Variants in ESRP1 observed in about 807,000 individuals in gnomAD.
ESRP1 encodes the protein epithelial splicing regulatory protein 1.
In ESRP1, 33 loss-of-function variants were observed where a neutral mutation model predicts 81.7. The observed-to-expected ratio is 0.40, with a 90% CI of 0.31 to 0.54. The LOEUF (loss-of-function observed/expected upper bound fraction) is 0.54. ESRP1 is among the 20% of genes least tolerant of loss of function. The pLI is 0.41. For missense variants in ESRP1, 672 were observed against 833.1 expected, an observed-to-expected ratio of 0.81 and a Z score of 2.38; for synonymous variants, 320 against 303.3, an observed-to-expected ratio of 1.06 and a Z score of -0.57.
intron 13 of ESRP1, among the ~76,000 whole-genome samples, chr8:94,691,197 C>T (rs1352536881): frequency 6.6e-6 from 1 of 152,074 alleles, no homozygotes; most frequent in Non-Finnish European, 1.5e-5. Context: ...ATATCAATGT[C>T]TGGGTTTGGC....
Position 94,657,826 on chromosome 8 carries a change from C to A in ESRP1, c.491-4446C>A, listed in dbSNP as rs1818513168. On this transcript the variant is annotated intron_variant, in intron 4 of 15. Transcript: ENST00000433389. ...TTATAAAACTTCTCTCACACTATTG[C>A]TCAATAGTCAAATCATAGCTTTCGT... Among the ~76,000 whole-genome samples the A allele has an allele frequency of 2.6e-5, 4 of 152,192 alleles. No homozygotes were observed. In the South Asian group the frequency reaches 8.3e-4, roughly 31 times the overall value.
chr8:94,649,987 C>T (rs1380586974), intron 4 of ESRP1, among the ~76,000 whole-genome samples: 2 of 152,006 alleles, frequency 1.3e-5, no homozygotes, highest in Non-Finnish European at 1.5e-5. Context: ...CCTTGTTATT[C>T]TCTCCCTCTT....
intron 4 of ESRP1, among the ~76,000 whole-genome samples, chr8:94,653,341 C>G (rs1381229862): frequency 1.3e-5 from 2 of 152,144 alleles, no homozygotes; most frequent in Non-Finnish European, 2.9e-5. Flanking sequence ...AACATGAACA[C>G]TGGGGGCAAC....
At chr8:94,703,089 T>C (rs1586272507) in intron 15 of ESRP1, among the ~76,000 whole-genome samples, 1 of 149,264 alleles carries the variant, frequency 6.7e-6, no homozygotes. Flanking sequence ...GGAAACATTA[T>C]CTCCTTCTGA....
At chr8:94,701,937 G>C (rs1055581330) in intron 15 of ESRP1, among the ~76,000 whole-genome samples, 2 of 152,188 alleles carry the variant, frequency 1.3e-5, no homozygotes, top group Admixed American at 6.5e-5. Flanking sequence ...AGATAGCCAG[G>C]TGTCGTCATG....
At chr8:94,657,311 T>G (rs139757849) in intron 4 of ESRP1, among the ~76,000 whole-genome samples, 278 of 152,324 alleles carry the variant, frequency 1.8e-3, no homozygotes, top group African/African-American at 6.3e-3. Flanking sequence ...CATCTTTCCT[T>G]TCCTCAAGAT....
intron 3 of ESRP1, 110 bp from the exon 4 acceptor site, chr8:94,646,058 A>AC: frequency 1.9e-6 from 1 of 523,736 alleles, no homozygotes; most frequent in Non-Finnish European, 3.3e-6. Flanking sequence ...TTAAATTTTA[A>AC]ATTTTTCCAT....
chr8:94,646,414 T>G (rs556887947), intron 4 of ESRP1, 132 bp downstream of exon 4: 15 of 576,002 alleles, frequency 2.6e-5, no homozygotes, highest in Admixed American at 6.7e-5. Context: ...TTGTTTACTC[T>G]GCTGAGAAAC....
chr8:94,673,132 A>G (rs141703550), intron 11 of ESRP1, among the ~76,000 whole-genome samples: 1 of 152,288 alleles, frequency 6.6e-6, no homozygotes, highest in Non-Finnish European at 1.5e-5. Context: ...TAAATTATGC[A>G]ACTTGTTATC....
intron 15 of ESRP1, among the ~76,000 whole-genome samples, chr8:94,704,175 CTTT>C (rs34541416): frequency 7.8e-6 from 1 of 129,000 alleles, no homozygotes; most frequent in Admixed American, 7.9e-5. Context: ...GCTTCTGAGA[CTTT>C]TTTTTTTTTT....
chr8:94,695,371 T>TTTTTTTTTTTATTC (rs1351009238), intron 14 of ESRP1, among the ~76,000 whole-genome samples: 1 of 111,996 alleles, frequency 8.9e-6, no homozygotes, highest in Non-Finnish European at 1.7e-5. Context: ...TTTTTTTTTT[T>TTTTTTTTTTTATTC]TGAGACGGAG....
At chr8:94,679,674 T>C (rs1563538572) in intron 13 of ESRP1, among the ~76,000 whole-genome samples, 3 of 152,216 alleles carry the variant, frequency 2.0e-5, no homozygotes, top group East Asian at 1.9e-4. Context: ...TTTCTACCAG[T>C]AGTTTTAAAA....
At position 94,650,687 on chromosome 8, in the gene ESRP1, T is replaced by G. The variant is rs546535491; in HGVS notation, c.490+4405T>G. Among the ~76,000 whole-genome samples, 36 of 152,210 alleles carry G rather than the reference T, an allele frequency of 2.4e-4. No individual in the cohort carries two copies. The South Asian group carries it at 6.0e-3, about 25-fold the overall frequency. The stretch of plus-strand genomic sequence containing the variant: ...GCTGTTATAAACATCACGTGCAGGT[T>G]TTCATATGGACATAGGTTTTTTAAA... On this transcript the variant is annotated intron_variant, in intron 4 of 15. Transcript: ENST00000433389.
chr8:94,643,383 C>T lies in ESRP1; in HGVS notation c.342C>T (p.Val114=), dbSNP rs746680309. 3.1e-6 allele frequency: 5 copies of T among 1,613,570 alleles called. No individual in the cohort carries two copies. Among genetic ancestry groups the T allele is most frequent in the Admixed American group, 1.7e-5 (1 of 60,000 alleles). The stretch of plus-strand genomic sequence containing the variant: ...TCTGTACTGATGGGCAGCTTCATGT[C>T]AGGCAAATCCTGCATCCTGAGGCTT... ...FCLCTDGQLH[V]RQILHPEASK... is the part of the protein sequence containing the mutation. The change falls in exon 3 of 16, where the codon GTC becomes GTT. Residue 114 remains valine, a synonymous_variant. Transcript: ENST00000433389.
Position 94,641,297 on chromosome 8 carries a change from C to T in ESRP1, c.-22C>T, listed in dbSNP as rs756678504. The T allele has an allele frequency of 2.5e-6, 4 of 1,595,662 alleles. No homozygotes were observed. The highest frequency in any genetic ancestry group is 3.4e-5 in the Admixed American group (2 of 59,550). On this transcript the variant is annotated 5_prime_UTR_variant, in exon 1 of 16. Coordinates refer to ENST00000433389, the MANE Select transcript of ESRP1 (RefSeq NM_017697.4). ...ACCTTACCGCCTCCCGACCCCCCCTCTCCCCCTCCCCACCTATCGTCATGA... is the reference window on the plus strand; with the variant it reads ...ACCTTACCGCCTCCCGACCCCCCCTTTCCCCCTCCCCACCTATCGTCATGA...
intron 14 of ESRP1, among the ~76,000 whole-genome samples, chr8:94,695,040 C>T (rs1427355731): frequency 2.0e-5 from 3 of 152,144 alleles, no homozygotes; most frequent in Non-Finnish European, 4.4e-5. Flanking sequence ...TTACATAAAA[C>T]GTGTATTTTC....
At chr8:94,653,714 C>G (rs902462958) in intron 4 of ESRP1, among the ~76,000 whole-genome samples, 1 of 152,030 alleles carries the variant, frequency 6.6e-6, no homozygotes, top group African/African-American at 2.4e-5. Context: ...TGAGCTGGGG[C>G]TTTATAATTG....
intron 15 of ESRP1, among the ~76,000 whole-genome samples, chr8:94,698,945 G>A (rs939850010): frequency 1.3e-4 from 20 of 152,050 alleles, no homozygotes; most frequent in African/African-American, 4.3e-4. Context: ...GGAGTGTCAC[G>A]TACGAATGCT....
intron 13 of ESRP1, among the ~76,000 whole-genome samples, chr8:94,681,044 A>T (rs1363167861): frequency 1.3e-5 from 2 of 151,910 alleles, no homozygotes; most frequent in African/African-American, 4.8e-5. Flanking sequence ...CTCTACTAAA[A>T]ATAAAAAACT....
Sources: allele counts gnomAD v4.1 joint callset (sites outside exome capture counted in the v4.1 genomes callset), GRCh38; gene constraint gnomAD v4.1.1; transcripts MANE v1.5; gene names NCBI Gene and HGNC (gene_info 2026-07-23, HGNC 2026-07-21).